IL17REL: variants seen among roughly 807,000 people sequenced by gnomAD.
The protein encoded by IL17REL is interleukin 17 receptor E like, also known as interleukin-17 receptor E-like protein.
A neutral mutation model predicts 49.0 loss-of-function variants in IL17REL; 36 were observed. The observed-to-expected ratio is 0.73, with a 90% CI of 0.56 to 0.97. IL17REL has a LOEUF of 0.97. Among genes scored for constraint, IL17REL ranks in the 50% least tolerant of loss-of-function variants. IL17REL has a pLI of 0.00. For synonymous variants in IL17REL, 206 were observed against 192.4 expected (o/e 1.07, Z -0.58); for missense variants, 470 against 453.9 (o/e 1.04, Z -0.32).
intron 1 of IL17REL, among the ~76,000 whole-genome samples, chr22:50,006,776 A>C (rs1487681549): frequency 5.3e-5 from 8 of 152,040 alleles, no homozygotes; most frequent in Non-Finnish European, 1.5e-5. Context: ...ACATGGTGAA[A>C]CTCTGTCTCT....
At chr22:50,000,566 C>G in exon 4 of IL17REL, 1 of 1,613,484 alleles carries the variant, frequency 6.2e-7, no homozygotes. Flanking sequence ...CCACGCTCAC[C>G]GCAAAGCAGC....
chr22:50,008,434 G>A (rs1243893631), intron 1 of IL17REL, among the ~76,000 whole-genome samples: 1 of 152,196 alleles, frequency 6.6e-6, no homozygotes, highest in Non-Finnish European at 1.5e-5. Flanking sequence ...CCTCTGGCCA[G>A]GAGCCAGGGT....
At chr22:49,992,663 G>A (rs184199241), downstream of IL17REL, among the ~76,000 whole-genome samples, 77 of 152,264 alleles carry the variant, frequency 5.1e-4, no homozygotes, top group Non-Finnish European at 8.5e-4. Flanking sequence ...AGTCACCCAG[G>A]ATGGAGTGCA....
intron 7 of IL17REL, 72 bp from the exon 10 acceptor site, chr22:49,998,381 C>G: frequency 7.0e-7 from 1 of 1,431,392 alleles, no homozygotes; most frequent in Non-Finnish European, 9.4e-7. Flanking sequence ...GGGTCTAGCA[C>G]CCACTCAAGT....
upstream of IL17REL, among the ~76,000 whole-genome samples, chr22:50,009,645 G>C (rs868118432): frequency 9.2e-5 from 14 of 151,368 alleles, no homozygotes; most frequent in Non-Finnish European, 1.8e-4. Flanking sequence ...CTGTCGGGGT[G>C]GGGGTGGGGG....
chr22:50,003,780 T>TAATCTCAGGA (rs1484475917), intron 1 of IL17REL, among the ~76,000 whole-genome samples: 3 of 152,176 alleles, frequency 2.0e-5, no homozygotes, highest in East Asian at 3.8e-4. Context: ...CTCAGTGAAA[T>TAATCTCAGGA]AATAGATTAT....
exon 11 of IL17REL, chr22:49,997,374 T>C (rs1196576144): frequency 6.2e-7 from 1 of 1,613,856 alleles, no homozygotes; most frequent in Non-Finnish European, 8.5e-7. Flanking sequence ...CAGGGAGCTG[T>C]GACTTCCTCC....
exon 13 of IL17REL, chr22:49,996,645 C>A: frequency 4.7e-6 from 1 of 211,574 alleles, no homozygotes; most frequent in South Asian, 1.2e-4. Context: ...TGGGCACAGA[C>A]CTGGGTTTGG....
At chr22:49,997,188 T>A in intron 11 of IL17REL, 114 bp from the exon 14 acceptor site, 2 of 1,383,664 alleles carry the variant, frequency 1.4e-6, no homozygotes, top group Non-Finnish European at 2.0e-6. Context: ...CTCCCATCCC[T>A]CCCTGCCAGG....
In IL17REL at chr22:49,998,007, G is replaced by C. The variant is rs1269985426; in HGVS notation, c.819+18C>G. On this transcript the variant is annotated intron_variant, in intron 9 of 12. Transcript: ENST00000341280. ...CCCTCCCCAAATAGGGCACTGGCAGGCTGTGGCAGCCCCTCACCTTCAGGC... is the reference window on the plus strand; with the variant it reads ...CCCTCCCCAAATAGGGCACTGGCAGCCTGTGGCAGCCCCTCACCTTCAGGC... 2.5e-6 allele frequency: 4 copies of C among 1,595,522 alleles called. No homozygotes were observed. Among genetic ancestry groups the C allele is most frequent in the Non-Finnish European group, 3.4e-6 (4 of 1,175,676 alleles).
At chr22:50,003,730 A>T (rs2061091835) in intron 1 of IL17REL, among the ~76,000 whole-genome samples, 1 of 152,188 alleles carries the variant, frequency 6.6e-6, no homozygotes, top group Admixed American at 6.5e-5. Flanking sequence ...TCAAATTGAT[A>T]AAGATGATCT....
In IL17REL at chr22:49,998,127, A is replaced by G; in HGVS notation, c.774+10T>C. ...ATGCCCACCCCCATCCCTGCTGAGC[A>G]GGCACTCACTCTGCGATGCACCAGC... On this transcript the variant is annotated intron_variant, in intron 8 of 12. Transcript: ENST00000341280. 6.2e-7 allele frequency: 1 copy of G among 1,600,068 alleles called. No homozygotes were observed.
At chr22:50,009,435 G>A (rs576178116), upstream of IL17REL, among the ~76,000 whole-genome samples, 1 of 152,274 alleles carries the variant, frequency 6.6e-6, no homozygotes, top group African/African-American at 2.4e-5. Context: ...CCGGCACCCC[G>A]GCACCAACGG....
chr22:49,999,177 G>C, intron 7 of IL17REL, 114 bp downstream of exon 9: 1 of 1,279,646 alleles, frequency 7.8e-7, no homozygotes, highest in Non-Finnish European at 1.1e-6. Flanking sequence ...CAGGCTCAGG[G>C]ATTTAGGCTG....
At chr22:50,001,011 G>T in intron 2 of IL17REL, 71 bp downstream of exon 3, 1 of 1,325,222 alleles carries the variant, frequency 7.5e-7, no homozygotes, top group Non-Finnish European at 1.0e-6. Flanking sequence ...AGGTTTGATG[G>T]GAATAAAAGG....
intron 6 of IL17REL, 23 bp from the exon 9 acceptor site, chr22:49,999,368 C>T: frequency 3.1e-6 from 5 of 1,612,810 alleles, no homozygotes; most frequent in Non-Finnish European, 4.2e-6. Context: ...CTGGGGTCAG[C>T]GCAGCCCACC....
In IL17REL at chr22:49,996,769, G is replaced by C. The variant is rs528540326; in HGVS notation, c.*136C>G. ...CGTGGGAGGCCTAGGTCTAGTCCTCGGCCTCCTGCGGCCCCTGAGAGATGG... is the reference window on the plus strand; with the variant it reads ...CGTGGGAGGCCTAGGTCTAGTCCTCCGCCTCCTGCGGCCCCTGAGAGATGG... On this transcript the variant is annotated 3_prime_UTR_variant, in exon 13 of 13. Transcript: ENST00000341280. The C allele has an allele frequency of 5.2e-5, 25 of 482,426 alleles. No individual in the cohort carries two copies. In the East Asian group the frequency reaches 8.2e-4, roughly 16 times the overall value. 29.9% of individuals were successfully genotyped at this position (482,426 alleles called of 1,614,324 possible). A position where few individuals can be genotyped will look rare whatever the true frequency, so the allele number is the denominator to read the frequency against.
chr22:49,998,724 C>CATGTGTATGGGTGTGT, intron 7 of IL17REL, among the ~76,000 whole-genome samples: 1 of 145,562 alleles, frequency 6.9e-6, no homozygotes, highest in Non-Finnish European at 1.5e-5. Context: ...TACGTGTTTG[C>CATGTGTATGGGTGTGT]ATGTGTATGG....
chr22:50,008,406 G>T (rs2146760876), intron 1 of IL17REL, among the ~76,000 whole-genome samples: 1 of 152,320 alleles, frequency 6.6e-6, no homozygotes, highest in Middle Eastern at 3.4e-3. Flanking sequence ...GGAGACGTGG[G>T]ACTCTCTGGC....
Sources: allele counts gnomAD v4.1 joint callset (sites outside exome capture counted in the v4.1 genomes callset), GRCh38; gene constraint gnomAD v4.1.1; transcripts MANE v1.5; gene names NCBI Gene and HGNC (gene_info 2026-07-23, HGNC 2026-07-21).